The following IGF2BP3 variants were observed in gnomAD, a reference collection of about 807,000 sequenced individuals.
The protein encoded by IGF2BP3 is insulin-like growth factor 2 mRNA-binding protein 3.
IGF2BP3 carries 9 observed loss-of-function variants against 73.8 expected under a neutral mutation model. The ratio of observed to expected loss-of-function variants is 0.12; its 90% CI spans 0.07 to 0.21. The LOEUF (loss-of-function observed/expected upper bound fraction) is 0.21. IGF2BP3 is among the 10% of genes least tolerant of loss of function. IGF2BP3 has a pLI of 1.00. For synonymous variants in IGF2BP3, 258 were observed against 256.7 expected (o/e 1.01, Z -0.05); for missense variants, 542 against 714.0 (o/e 0.76, Z 2.75).
intron 2 of IGF2BP3, among the ~76,000 whole-genome samples, chr7:23,441,995 T>C (rs201005914): frequency 6.6e-6 from 1 of 151,952 alleles, no homozygotes; most frequent in Non-Finnish European, 1.5e-5. Flanking sequence ...GGTGTGGTGG[T>C]GCATGCCTGT....
intron 3 of IGF2BP3, among the ~76,000 whole-genome samples, chr7:23,362,906 G>A (rs564924339): frequency 3.3e-5 from 5 of 151,278 alleles, no homozygotes; most frequent in Non-Finnish European, 5.9e-5. Context: ...GGTGCACGCC[G>A]CCACCCTCAG....
chr7:23,329,157 G>A (rs1784380819), intron 10 of IGF2BP3, among the ~76,000 whole-genome samples: 1 of 151,516 alleles, frequency 6.6e-6, no homozygotes, highest in Admixed American at 6.6e-5. Context: ...AGCTTGCAGT[G>A]AGCAGAGATC....
intron 5 of IGF2BP3, 145 bp downstream of exon 5, chr7:23,361,383 TAAAAAG>T: frequency 1.7e-6 from 1 of 598,852 alleles, no homozygotes; most frequent in South Asian, 2.1e-5. Flanking sequence ...CATTCAAACT[TAAAAAG>T]AAAGGCACGA....
intron 10 of IGF2BP3, among the ~76,000 whole-genome samples, chr7:23,337,226 G>A (rs181145890): frequency 1.3e-5 from 2 of 152,164 alleles, no homozygotes; most frequent in East Asian, 3.9e-4. Context: ...TTGTTCCCCT[G>A]AACATTAAGC....
chr7:23,443,102 A>ATTTTTT (rs34674050), intron 2 of IGF2BP3, among the ~76,000 whole-genome samples: 3 of 85,844 alleles, frequency 3.5e-5, no homozygotes, highest in Admixed American at 1.5e-4. Context: ...CATTACAGTG[A>ATTTTTT]TTTTTTTTTT....
chr7:23,350,459 C>T (rs1356678046), intron 6 of IGF2BP3, among the ~76,000 whole-genome samples: 9 of 152,146 alleles, frequency 5.9e-5, no homozygotes, highest in Admixed American at 6.5e-5. Flanking sequence ...TAGCACGTTA[C>T]GGAGCTAGGT....
intron 3 of IGF2BP3, among the ~76,000 whole-genome samples, chr7:23,372,611 A>G (rs1359685507): frequency 6.6e-6 from 1 of 152,150 alleles, no homozygotes; most frequent in Non-Finnish European, 1.5e-5. Flanking sequence ...TTCACTTAGA[A>G]TAATACGGAA....
intron 2 of IGF2BP3, among the ~76,000 whole-genome samples, chr7:23,456,818 G>A (rs901834093): frequency 6.6e-6 from 1 of 152,190 alleles, no homozygotes; most frequent in Non-Finnish European, 1.5e-5. Context: ...GGGAGGCCGC[G>A]GCGAGGGGAT....
intron 9 of IGF2BP3, among the ~76,000 whole-genome samples, chr7:23,343,333 T>A (rs759757630): frequency 6.6e-6 from 1 of 152,218 alleles, no homozygotes; most frequent in Non-Finnish European, 1.5e-5. Flanking sequence ...GTAAATCATA[T>A]AAGAGAAGAG....
At chr7:23,344,636 C>T (rs996075290) in intron 8 of IGF2BP3, among the ~76,000 whole-genome samples, 1 of 152,250 alleles carries the variant, frequency 6.6e-6, no homozygotes, top group South Asian at 2.1e-4. Flanking sequence ...GAGACATGTG[C>T]CATGGAAAAC....
intron 2 of IGF2BP3, among the ~76,000 whole-genome samples, chr7:23,462,068 C>T (rs957638542): frequency 3.3e-5 from 5 of 152,184 alleles, no homozygotes; most frequent in South Asian, 2.1e-4. Context: ...GTTACAAGGA[C>T]GGCCAGTTAC....
chr7:23,443,297 G>A (rs1287047438), intron 2 of IGF2BP3, among the ~76,000 whole-genome samples: 2 of 151,574 alleles, frequency 1.3e-5, no homozygotes, highest in South Asian at 2.1e-4. Context: ...AGCTAATTTT[G>A]TATTTTTAGT....
At position 23,421,576 on chromosome 7, in the gene IGF2BP3, C is replaced by T. The variant is rs375219515; in HGVS notation, c.237-2752G>A. ...GCATGGTGGCACATGCCTGTAATCCCGGCTACTCGGGAGGCTGAGGCAGGA... is the reference window on the plus strand; with the variant it reads ...GCATGGTGGCACATGCCTGTAATCCTGGCTACTCGGGAGGCTGAGGCAGGA... On this transcript the variant is annotated intron_variant, in intron 2 of 14. Coordinates refer to ENST00000258729, the MANE Select transcript of IGF2BP3 (RefSeq NM_006547.3). 3.0e-4 allele frequency among the ~76,000 whole-genome samples: 45 copies of T among 150,286 alleles called. 1 individual carries two copies. The South Asian group carries it at 6.8e-3, about 23-fold the overall frequency.
intron 3 of IGF2BP3, among the ~76,000 whole-genome samples, chr7:23,403,831 A>C (rs1562730461): frequency 6.6e-6 from 1 of 152,052 alleles, no homozygotes; most frequent in Admixed American, 6.6e-5. Context: ...ATCCATCTAG[A>C]GAGGTACTTG....
intron 7 of IGF2BP3, 80 bp from the exon 8 acceptor site, chr7:23,346,142 A>T: frequency 6.8e-7 from 1 of 1,461,490 alleles, no homozygotes. Context: ...CTCATTAAAC[A>T]TTTACTTCCT....
intron 3 of IGF2BP3, among the ~76,000 whole-genome samples, chr7:23,366,143 C>CT (rs879535310): frequency 0.02 from 2,942 of 143,742 alleles, 80 homozygotes; most frequent in African/African-American, 0.068. Flanking sequence ...CCGTGTAAAT[C>CT]TTTTTTTTTT....
chr7:23,387,561 TG>T (rs1786126386), intron 3 of IGF2BP3, among the ~76,000 whole-genome samples: 1 of 152,224 alleles, frequency 6.6e-6, no homozygotes, highest in East Asian at 1.9e-4. Context: ...CAGAGAAGAC[TG>T]GGTCTAGGGT....
intron 3 of IGF2BP3, among the ~76,000 whole-genome samples, chr7:23,417,419 A>G (rs1787222412): frequency 6.6e-6 from 1 of 152,212 alleles, no homozygotes; most frequent in African/African-American, 2.4e-5. Context: ...ACAAAAATTA[A>G]GAAAAGTTAG....
At chr7:23,358,636 C>T (rs1382889120) in intron 5 of IGF2BP3, among the ~76,000 whole-genome samples, 1 of 152,216 alleles carries the variant, frequency 6.6e-6, no homozygotes, top group East Asian at 1.9e-4. Flanking sequence ...TCAGGGCTAC[C>T]TGACTTTGGT....
Sources: allele counts gnomAD v4.1 joint callset (sites outside exome capture counted in the v4.1 genomes callset), GRCh38; gene constraint gnomAD v4.1.1; transcripts MANE v1.5; gene names NCBI Gene and HGNC (gene_info 2026-07-23, HGNC 2026-07-21).